ABCA5: variants seen among roughly 807,000 people sequenced by gnomAD.
The protein encoded by ABCA5 is ATP binding cassette subfamily A member 5.
ABCA5 carries 163 observed loss-of-function variants against 206.0 expected under a neutral mutation model. That is an observed-to-expected ratio of 0.79 (90% CI 0.70 to 0.90). ABCA5 has a LOEUF of 0.90. Ranked by LOEUF, ABCA5 falls within the 40% of genes least tolerant of loss-of-function variation. ABCA5 has a pLI of 0.00. For synonymous variants in ABCA5, 609 were observed against 613.8 expected (o/e 0.99, Z 0.11); for missense variants, 1,859 against 1,912.9 (o/e 0.97, Z 0.53).
intron 11 of ABCA5, among the ~76,000 whole-genome samples, chr17:69,293,075 A>T (rs1474188854): frequency 6.6e-6 from 1 of 152,154 alleles, no homozygotes; most frequent in African/African-American, 2.4e-5. Flanking sequence ...GACTGGAGAC[A>T]TTTTTGGTTG....
intron 28 of ABCA5, among the ~76,000 whole-genome samples, chr17:69,257,134 G>A (rs2075092296): frequency 6.6e-6 from 1 of 152,108 alleles, no homozygotes. Context: ...AGAAGCCGAG[G>A]CATGCAGATC....
chr17:69,249,766 A>G lies in ABCA5; in HGVS notation c.4765+139T>C. The G allele has an allele frequency of 1.7e-6, 2 of 1,182,458 alleles. 1 individual carries two copies. The allele number at this position is 1,182,458 out of a possible 1,614,324, so 73.2% of individuals were successfully genotyped here. The stretch of plus-strand genomic sequence containing the variant: ...GTCCCCAGTTTTAAACTTTTTAAAT[A>G]AAATTCTTTCATAATTTGAGAGCTA... On this transcript the variant is annotated intron_variant, in intron 37 of 38. Coordinates refer to ENST00000392676, the MANE Select transcript of ABCA5 (RefSeq NM_172232.4).
intron 23 of ABCA5, among the ~76,000 whole-genome samples, chr17:69,265,637 T>C (rs2075199419): frequency 6.6e-6 from 1 of 152,032 alleles, no homozygotes; most frequent in Admixed American, 6.6e-5. Flanking sequence ...GAAAGAGCTG[T>C]CCACAGAGAT....
At position 69,245,753 on chromosome 17, in the gene ABCA5, T is replaced by A. The variant is rs1380088979; in HGVS notation, c.*1784A>T. 6.6e-6 allele frequency: 1 copy of A among 151,898 alleles called. No homozygotes were observed. The highest frequency in any genetic ancestry group is 1.5e-5 in the Non-Finnish European group (1 of 67,830). The allele number at this position is 151,898 out of a possible 1,614,324, so 9.4% of individuals were successfully genotyped here. On this transcript the variant is annotated 3_prime_UTR_variant, in exon 39 of 39. Transcript: ENST00000392676. Reference sequence around the variant, plus strand: ...AACTTTCACTTTGCAGGAAAAAAAATTTACTTTGCACCAATTACACATTCA... The same window carrying A: ...AACTTTCACTTTGCAGGAAAAAAAAATTACTTTGCACCAATTACACATTCA...
At chr17:69,320,707 A>C (rs1410667693) in intron 1 of ABCA5, among the ~76,000 whole-genome samples, 1 of 152,230 alleles carries the variant, frequency 6.6e-6, no homozygotes, top group Non-Finnish European at 1.5e-5. Flanking sequence ...AGGTCTTTGT[A>C]AACTAACCCA....
chr17:69,302,942 C>A, intron 7 of ABCA5, 36 bp from the exon 8 acceptor site: 1 of 1,144,248 alleles, frequency 8.7e-7, no homozygotes, highest in Non-Finnish European at 1.2e-6. Context: ...GTGCAATGTT[C>A]ATATATACCA....
chr17:69,260,417 G>C lies in ABCA5; in HGVS notation c.3565-5C>G. ...TCGTACATTCTTCCAAGAAATCTAAGACAAAAAGATTTGAAAATATATACG... is the reference window on the plus strand; with the variant it reads ...TCGTACATTCTTCCAAGAAATCTAACACAAAAAGATTTGAAAATATATACG... On this transcript the variant is annotated splice_polypyrimidine_tract_variant and splice_region_variant and intron_variant, in intron 26 of 38. Transcript: ENST00000392676. 3.2e-6 allele frequency: 5 copies of C among 1,582,616 alleles called. No homozygotes were observed. Among genetic ancestry groups the C allele is most frequent in the Admixed American group, 1.7e-5 (1 of 58,714 alleles).
chr17:69,312,793 T>C (rs1172236801), intron 3 of ABCA5, among the ~76,000 whole-genome samples: 1 of 152,110 alleles, frequency 6.6e-6, no homozygotes, highest in Non-Finnish European at 1.5e-5. Flanking sequence ...AGAATCAAAA[T>C]GAAATAGCCC....
intron 7 of ABCA5, 133 bp downstream of exon 7, chr17:69,304,536 T>C (rs1567778776): frequency 1.4e-6 from 1 of 695,034 alleles, no homozygotes; most frequent in Non-Finnish European, 2.2e-6. Flanking sequence ...CATTTATTTA[T>C]TAAGTCACTT....
At chr17:69,300,324 A>G (rs2145007760) in intron 9 of ABCA5, among the ~76,000 whole-genome samples, 1 of 152,314 alleles carries the variant, frequency 6.6e-6, no homozygotes, top group African/African-American at 2.4e-5. Flanking sequence ...TCAGGTGGTA[A>G]TGCAAGCAAT....
At chr17:69,319,598 G>C (rs1211640045) in intron 1 of ABCA5, among the ~76,000 whole-genome samples, 1 of 152,136 alleles carries the variant, frequency 6.6e-6, no homozygotes, top group African/African-American at 2.4e-5. Flanking sequence ...GAGACCCACA[G>C]ACTGGATGGA....
At chr17:69,264,957 A>G in intron 23 of ABCA5, 52 bp from the exon 24 acceptor site, 1 of 1,227,754 alleles carries the variant, frequency 8.1e-7, no homozygotes, top group Non-Finnish European at 1.1e-6. Flanking sequence ...TTAGAAACAC[A>G]CAAATAAATT....
At position 69,245,940 on chromosome 17, in the gene ABCA5, G is replaced by C. The variant is rs2074945341; in HGVS notation, c.*1597C>G. ...CTTAGTAAACTATAGATATAATTTT[G>C]TTGCTTTTACTAAACTTAAGTATTC... On this transcript the variant is annotated 3_prime_UTR_variant, in exon 39 of 39. Coordinates refer to ENST00000392676, the MANE Select transcript of ABCA5 (RefSeq NM_172232.4). 6.6e-6 allele frequency: 1 copy of C among 151,782 alleles called. No homozygotes were observed. The highest frequency in any genetic ancestry group is 2.4e-5 in the African/African-American group (1 of 41,382). The allele number at this position is 151,782 out of a possible 1,614,324, so 9.4% of individuals were successfully genotyped here.
chr17:69,304,510 T>C, intron 7 of ABCA5, 159 bp downstream of exon 7: 2 of 594,412 alleles, frequency 3.4e-6, no homozygotes, highest in Non-Finnish European at 2.8e-6. Flanking sequence ...AATACAGGAA[T>C]ACAGTGATGC....
intron 28 of ABCA5, 79 bp from the exon 29 acceptor site, chr17:69,256,362 GA>G: frequency 1.2e-6 from 1 of 844,800 alleles, no homozygotes. Context: ...ACTAGGTAGA[GA>G]AAAGACTGAA....
intron 18 of ABCA5, among the ~76,000 whole-genome samples, chr17:69,280,518 G>T (rs2075380987): frequency 6.6e-6 from 1 of 151,030 alleles, no homozygotes; most frequent in African/African-American, 2.4e-5. Context: ...ATTTGACCCA[G>T]CCATCCCATT....
chr17:69,294,562 G>C lies in ABCA5; in HGVS notation c.1495+93C>G, dbSNP rs2075565699. The C allele has an allele frequency of 1.0e-5, 11 of 1,067,788 alleles. No individual in the cohort carries two copies. The South Asian group carries it at 1.4e-4, about 14-fold the overall frequency. The allele number at this position is 1,067,788 out of a possible 1,614,324, so 66.1% of individuals were successfully genotyped here. On this transcript the variant is annotated intron_variant, in intron 11 of 38. Transcript: ENST00000392676. ...AAATAAAAGCAAGACAGAAAATCAT[G>C]GTAGAGAAGTTTAAATTTCCCACAA...
rs2074944442 is a variant in ABCA5, at chr17:69,245,857, G to A, written c.*1680C>T. 6.6e-6 allele frequency: 1 copy of A among 151,918 alleles called. No homozygotes were observed. Among genetic ancestry groups the A allele is most frequent in the African/African-American group, 2.4e-5 (1 of 41,442 alleles). The allele number at this position is 151,918 out of a possible 1,614,324, so 9.4% of individuals were successfully genotyped here. A position where few individuals can be genotyped will look rare whatever the true frequency, so the allele number is the denominator to read the frequency against. ...CATTAGTCATGCTCTATCTTCAGATGACATAACTTTCTTAGGATGGTCAGG... is the reference window on the plus strand; with the variant it reads ...CATTAGTCATGCTCTATCTTCAGATAACATAACTTTCTTAGGATGGTCAGG... On this transcript the variant is annotated 3_prime_UTR_variant, in exon 39 of 39. Transcript: ENST00000392676.
Position 69,277,728 on chromosome 17 carries a change from G to T in ABCA5, c.2507C>A (p.Thr836Asn). ...CATCTGTTGTTTCCAAAGGCTCATG[G>T]TGCTCACTAGAGCAGCCTTGGTTTC... ...LSETKAALVS[T>N]MSLWKQQMYT... Residue 836 changes from threonine (T) to asparagine (N), a missense_variant, in exon 19 of 39, where the codon ACC (threonine) becomes AAC (asparagine). Transcript: ENST00000392676. 1 of 1,610,418 alleles carries T rather than the reference G, an allele frequency of 6.2e-7. No individual in the cohort carries two copies. Among genetic ancestry groups the T allele is most frequent in the Non-Finnish European group, 8.5e-7 (1 of 1,178,954 alleles).
Sources: gnomAD v4.1 joint callset for allele counts (sites outside exome capture counted in the v4.1 genomes callset) on GRCh38, gnomAD v4.1.1 for gene constraint, MANE v1.5 for transcripts, NCBI Gene and HGNC (gene_info 2026-07-23, HGNC 2026-07-21) for gene names.